The following CRB1 variants were observed in gnomAD, a reference collection of about 807,000 sequenced individuals.
CRB1 encodes crumbs cell polarity complex component 1, also known as protein crumbs homolog 1.
A neutral mutation model predicts 120.0 loss-of-function variants in CRB1; 83 were observed. The ratio of observed to expected loss-of-function variants is 0.69; its 90% confidence interval spans 0.58 to 0.83. The LOEUF (loss-of-function observed/expected upper bound fraction) is 0.83. CRB1 is among the 40% of genes least tolerant of loss of function. CRB1 has a pLI of 0.00. For synonymous variants in CRB1, 625 were observed against 612.5 expected, an observed-to-expected ratio of 1.02 and a Z score of -0.30; for missense variants, 1,699 against 1,687.6, an observed-to-expected ratio of 1.01 and a Z score of -0.12.
chr1:197,358,593 G>T (rs1660608226), intron 5 of CRB1, among the ~76,000 whole-genome samples: 1 of 152,190 alleles, frequency 6.6e-6, no homozygotes, highest in Non-Finnish European at 1.5e-5. Context: ...CCAAAACTGG[G>T]TTCCCATCAT....
chr1:197,346,232 T>G (rs1659764708), intron 3 of CRB1, among the ~76,000 whole-genome samples: 1 of 152,108 alleles, frequency 6.6e-6, no homozygotes, highest in Non-Finnish European at 1.5e-5. Flanking sequence ...TAACCTGACT[T>G]TATGTTCCCA....
intron 6 of CRB1, among the ~76,000 whole-genome samples, chr1:197,426,555 C>T (rs1311958921): frequency 6.6e-6 from 1 of 152,068 alleles, no homozygotes; most frequent in Admixed American, 6.6e-5. Context: ...TTTACAATGT[C>T]AGTTTTTATT....
At chr1:197,419,327 A>C (rs1397631931) in intron 5 of CRB1, among the ~76,000 whole-genome samples, 1 of 151,686 alleles carries the variant, frequency 6.6e-6, no homozygotes, top group African/African-American at 2.4e-5. Flanking sequence ...GAATACACTA[A>C]ATTATTAATT....
intron 7 of CRB1, 82 bp downstream of exon 7, chr1:197,428,083 C>A: frequency 1.6e-6 from 2 of 1,266,774 alleles, no homozygotes; most frequent in Non-Finnish European, 2.2e-6. Flanking sequence ...TAAAACCATT[C>A]TTTGTATATA....
chr1:197,217,583 G>A, the CRB1 span, among the ~76,000 whole-genome samples: 1 of 152,152 alleles, frequency 6.6e-6, no homozygotes, highest in Non-Finnish European at 1.5e-5. Context: ...ACCACATATA[G>A]TATGAATCTG....
At chr1:197,223,040 A>G in the CRB1 span, 2 of 788,110 alleles carry the variant, frequency 2.5e-6, no homozygotes, top group South Asian at 1.3e-5. Flanking sequence ...GAGGAAGACA[A>G]GGACTATCTT....
intron 1 of CRB1, among the ~76,000 whole-genome samples, chr1:197,309,622 C>T (rs766807163): frequency 4.6e-5 from 7 of 151,968 alleles, no homozygotes; most frequent in Admixed American, 6.6e-5. Flanking sequence ...GGCGTGGTGG[C>T]AGGCGCCTGT....
rs1461309935 is a variant in CRB1, at chr1:197,429,188, A to C, written c.2677-261A>C. ...TTTGTAAATTACAGAGGACACTGCT[A>C]TACTTGAAAAACCCTCCTTGTGCTA... On this transcript the variant is annotated intron_variant, in intron 7 of 11. Transcript: ENST00000367400. 9.9e-6 allele frequency: 15 copies of C among 1,516,636 alleles called. No individual in the cohort carries two copies. In the East Asian group the frequency reaches 3.7e-4, roughly 37 times the overall value. 93.9% of individuals were successfully genotyped at this position (1,516,636 alleles called of 1,614,324 possible). A position where few individuals can be genotyped will look rare whatever the true frequency, so the allele number is the denominator to read the frequency against.
chr1:197,206,743 T>C, the CRB1 span, among the ~76,000 whole-genome samples: 29 of 152,310 alleles, frequency 1.9e-4, no homozygotes, highest in East Asian at 3.9e-3. Context: ...TAAATATCTT[T>C]TAAGTCCATT....
At chr1:197,361,458 A>G (rs910047643) in intron 5 of CRB1, among the ~76,000 whole-genome samples, 1 of 152,010 alleles carries the variant, frequency 6.6e-6, no homozygotes, top group African/African-American at 2.4e-5. Flanking sequence ...ATTTTCGGCA[A>G]TTTGTGGATT....
the CRB1 span, among the ~76,000 whole-genome samples, chr1:197,231,441 A>G: frequency 2.0e-5 from 3 of 152,268 alleles, no homozygotes; most frequent in South Asian, 2.1e-4. Context: ...GGATTCTGGG[A>G]GAGCTGGAAT....
intron 2 of CRB1, among the ~76,000 whole-genome samples, chr1:197,339,195 C>T (rs553789975): frequency 1.3e-5 from 2 of 152,226 alleles, no homozygotes; most frequent in Non-Finnish European, 2.9e-5. Flanking sequence ...CTTACAACAT[C>T]TTGCTAAACA....
At position 197,279,123 on chromosome 1, in the gene CRB1, C is replaced by T. The variant is rs541341579; in HGVS notation, c.70+10641C>T. Among the ~76,000 whole-genome samples, 9 of 151,880 alleles carry T rather than the reference C, an allele frequency of 5.9e-5. No individual in the cohort carries two copies. The East Asian group carries it at 9.7e-4, about 16-fold the overall frequency. Reference sequence around the variant, plus strand: ...TGAAAGTAGTTATATTTTGAGGTTACGGTCAACTCAGATTTGGCAAACAGC... The same window carrying T: ...TGAAAGTAGTTATATTTTGAGGTTATGGTCAACTCAGATTTGGCAAACAGC... On this transcript the variant is annotated intron_variant, in intron 1 of 11. Transcript: ENST00000367400.
Position 197,358,709 on chromosome 1 carries a change from T to C in CRB1, c.1171+1696T>C, listed in dbSNP as rs567110019. Among the ~76,000 whole-genome samples, 101 of 152,330 alleles carry C rather than the reference T, an allele frequency of 6.6e-4. 1 individual carries two copies. Among genetic ancestry groups the C allele is most frequent in the African/African-American group, 2.4e-3 (98 of 41,584 alleles). Reference sequence around the variant, plus strand: ...GCTGTGCTCTTATGAAGCAAGCTACTGGAGAAGGAAAGAAAATGGAGTGTG... The same window carrying C: ...GCTGTGCTCTTATGAAGCAAGCTACCGGAGAAGGAAAGAAAATGGAGTGTG... On this transcript the variant is annotated intron_variant, in intron 5 of 11. Transcript: ENST00000367400.
At chr1:197,381,251 A>G (rs4147323) in intron 5 of CRB1, among the ~76,000 whole-genome samples, 58,935 of 152,028 alleles carry the variant, frequency 0.39, 13,804 homozygotes, top group East Asian at 0.66. Context: ...GCATTGGGAG[A>G]ATAAGAGAAT....
At chr1:197,448,616 CA>C (rs963384093) in intron 11 of CRB1, among the ~76,000 whole-genome samples, 19 of 152,322 alleles carry the variant, frequency 1.2e-4, no homozygotes, top group African/African-American at 4.3e-4. Flanking sequence ...CTGTTCCTCC[CA>C]CCTAACCTGT....
At chr1:197,244,902 T>C in the CRB1 span, among the ~76,000 whole-genome samples, 2 of 152,090 alleles carry the variant, frequency 1.3e-5, no homozygotes, top group Non-Finnish European at 2.9e-5. Context: ...ACAATTTCTA[T>C]TGTTCTATCT....
chr1:197,378,317 T>C (rs1329632865), intron 5 of CRB1, among the ~76,000 whole-genome samples: 2 of 152,222 alleles, frequency 1.3e-5, no homozygotes, highest in African/African-American at 4.8e-5. Flanking sequence ...TTTCTTCAGA[T>C]TGAATTTAGA....
intron 1 of CRB1, among the ~76,000 whole-genome samples, chr1:197,286,364 A>G (rs369407787): frequency 6.6e-5 from 10 of 151,878 alleles, no homozygotes; most frequent in African/African-American, 2.4e-4. Flanking sequence ...ATAGCGCACA[A>G]TTATTCTCAT....
Sources: allele counts gnomAD v4.1 joint callset (sites outside exome capture counted in the v4.1 genomes callset), GRCh38; gene constraint gnomAD v4.1.1; transcripts MANE v1.5; gene names NCBI Gene and HGNC (gene_info 2026-07-23, HGNC 2026-07-21).